DAB1: variants seen among roughly 807,000 people sequenced by gnomAD.
The protein encoded by DAB1 is disabled homolog 1.
Under a neutral mutation model 64.6 loss-of-function variants are expected in DAB1, and 15 were observed. The ratio of observed to expected loss-of-function variants is 0.23; its 90% CI spans 0.16 to 0.36. DAB1 has a LOEUF of 0.36. DAB1 is among the 10% of genes least tolerant of loss of function. The pLI is 1.00. For synonymous variants in DAB1, 235 were observed against 251.9 expected (o/e 0.93, Z 0.64); for missense variants, 596 against 706.7 (o/e 0.84, Z 1.78).
At chr1:57,243,208 G>T (rs1033262874) in intron 2 of DAB1, among the ~76,000 whole-genome samples, 1 of 152,132 alleles carries the variant, frequency 6.6e-6, no homozygotes, top group African/African-American at 2.4e-5. Flanking sequence ...TGTTTATTAG[G>T]ACTATTTTTA....
intron 5 of DAB1, among the ~76,000 whole-genome samples, chr1:57,899,236 A>T (rs967341645): frequency 2.0e-5 from 3 of 152,118 alleles, no homozygotes; most frequent in Admixed American, 6.6e-5. Flanking sequence ...GATGATTTTT[A>T]AAAATTTCCT....
chr1:58,312,981 A>G (rs553966623), intron 4 of DAB1, among the ~76,000 whole-genome samples: 1 of 152,314 alleles, frequency 6.6e-6, no homozygotes, highest in South Asian at 2.1e-4. Context: ...CAGGAAGTGC[A>G]ATGTTAAATA....
intron 6 of DAB1, among the ~76,000 whole-genome samples, chr1:57,799,734 T>C (rs140898216): frequency 2.4e-3 from 365 of 152,220 alleles, no homozygotes; most frequent in African/African-American, 8.6e-3. Flanking sequence ...CATTTTTGAG[T>C]GGTTAAAAAT....
At chr1:57,393,570 C>T (rs1268088700) in intron 1 of DAB1, among the ~76,000 whole-genome samples, 1 of 151,998 alleles carries the variant, frequency 6.6e-6, no homozygotes, top group East Asian at 1.9e-4. Context: ...GTGGCATGCA[C>T]CTGTAGTCCC....
chr1:57,365,049 C>T, intron 1 of DAB1, among the ~76,000 whole-genome samples: 1 of 123,548 alleles, frequency 8.1e-6, no homozygotes, highest in African/African-American at 3.2e-5. Context: ...ATAAATCATC[C>T]ACATACGCTA....
chr1:57,976,948 A>C (rs1645935061), intron 5 of DAB1, among the ~76,000 whole-genome samples: 1 of 152,160 alleles, frequency 6.6e-6, no homozygotes, highest in Non-Finnish European at 1.5e-5. Flanking sequence ...GGATTACCAC[A>C]ATAAGATGCC....
At chr1:57,255,475 A>G (rs565733684) in intron 2 of DAB1, among the ~76,000 whole-genome samples, 2 of 152,106 alleles carry the variant, frequency 1.3e-5, no homozygotes, top group African/African-American at 4.8e-5. Context: ...CAGCCTGGGC[A>G]TCATGGCAAA....
In DAB1 at chr1:58,328,433, G is replaced by T. The variant is rs76615711; in HGVS notation, n.309+14919C>A. ...CCATGAATCCTCTCCAGCAGCATCG[G>T]CTTGACTCTGCTTGATCTGCATGGC... On this transcript the variant is annotated intron_variant and non_coding_transcript_variant, in intron 4 of 20. Coordinates refer to the DAB1 transcript ENST00000485760. Among the ~76,000 whole-genome samples the T allele has an allele frequency of 1.6e-3, 245 of 152,242 alleles. 2 individuals are homozygous for T. In the East Asian group the frequency reaches 0.034, roughly 21 times the overall value.
intron 2 of DAB1, among the ~76,000 whole-genome samples, chr1:57,199,912 A>G (rs1664949418): frequency 1.3e-5 from 2 of 152,210 alleles, no homozygotes; most frequent in Admixed American, 1.3e-4. Context: ...AGTTCAGCCT[A>G]TGGACGGGCC....
At chr1:57,740,203 G>T (rs983823640) in intron 6 of DAB1, among the ~76,000 whole-genome samples, 16 of 152,166 alleles carry the variant, frequency 1.1e-4, no homozygotes, top group Non-Finnish European at 1.9e-4. Context: ...GGCAGAGCAA[G>T]ATTCTGTCTC....
chr1:58,082,197 G>C (rs1458633593), intron 5 of DAB1, among the ~76,000 whole-genome samples: 1 of 152,104 alleles, frequency 6.6e-6, no homozygotes, highest in African/African-American at 2.4e-5. Context: ...TTTGCATTCT[G>C]ATGTGGAACA....
At chr1:58,016,726 C>T (rs531133535) in intron 5 of DAB1, among the ~76,000 whole-genome samples, 1 of 152,268 alleles carries the variant, frequency 6.6e-6, no homozygotes, top group East Asian at 1.9e-4. Flanking sequence ...GTCAATCCAG[C>T]TATAAAATAT....
intron 3 of DAB1, among the ~76,000 whole-genome samples, chr1:58,459,722 A>C (rs1249824281): frequency 6.6e-6 from 1 of 152,222 alleles, no homozygotes; most frequent in Non-Finnish European, 1.5e-5. Context: ...TCACACCTAT[A>C]ATCCCAGCAC....
chr1:57,642,756 T>C (rs1169160976), intron 7 of DAB1, among the ~76,000 whole-genome samples: 1 of 152,306 alleles, frequency 6.6e-6, no homozygotes, highest in South Asian at 2.1e-4. Context: ...AGGTGAGGTG[T>C]TATGAACATC....
chr1:58,018,807 T>G (rs972196557), intron 5 of DAB1, among the ~76,000 whole-genome samples: 1 of 152,190 alleles, frequency 6.6e-6, no homozygotes, highest in African/African-American at 2.4e-5. Flanking sequence ...AAGAAGTACA[T>G]TGTTATAAAA....
intron 6 of DAB1, among the ~76,000 whole-genome samples, chr1:57,770,997 A>G (rs1030923216): frequency 2.6e-5 from 4 of 152,146 alleles, no homozygotes; most frequent in Admixed American, 1.3e-4. Context: ...AGATGGTATT[A>G]CAACCTCATT....
At chr1:58,489,411 GC>G (rs1645636261) in intron 3 of DAB1, among the ~76,000 whole-genome samples, 1 of 152,218 alleles carries the variant, frequency 6.6e-6, no homozygotes, top group African/African-American at 2.4e-5. Context: ...GCCTGCCATT[GC>G]CGAGGCTTGA....
intron 6 of DAB1, among the ~76,000 whole-genome samples, chr1:57,664,258 T>G (rs1363841901): frequency 6.6e-6 from 1 of 152,200 alleles, no homozygotes; most frequent in Non-Finnish European, 1.5e-5. Context: ...AAGACCAACT[T>G]GATGTAGACA....
chr1:57,589,761 A>T (rs1024280827), intron 7 of DAB1, among the ~76,000 whole-genome samples: 65 of 152,284 alleles, frequency 4.3e-4, no homozygotes, highest in African/African-American at 1.3e-3. Context: ...TGTCTCAAGA[A>T]GAAAAAAAAG....
Sources: allele counts gnomAD v4.1 joint callset (sites outside exome capture counted in the v4.1 genomes callset), GRCh38; gene constraint gnomAD v4.1.1; transcripts MANE v1.5; gene names NCBI Gene and HGNC (gene_info 2026-07-23, HGNC 2026-07-21).